Variants in RGS7 observed in about 807,000 individuals in gnomAD.
RGS7 encodes the protein regulator of G-protein signaling 7.
Under a neutral mutation model 81.1 loss-of-function variants are expected in RGS7, and 27 were observed. The observed-to-expected ratio is 0.33, with a 90% CI of 0.25 to 0.46. The LOEUF is 0.46. RGS7 is among the 20% of genes least tolerant of loss of function. The pLI, the probability that RGS7 is intolerant of heterozygous loss-of-function variation, is 1.00. For missense variants in RGS7, 396 were observed against 607.4 expected (o/e 0.65, Z 3.66); for synonymous variants, 208 against 207.7 (o/e 1.00, Z -0.01).
At chr1:240,811,436 A>G (rs531983042) in intron 14 of RGS7, among the ~76,000 whole-genome samples, 32 of 152,362 alleles carry the variant, frequency 2.1e-4, no homozygotes, top group Admixed American at 5.9e-4. Context: ...CCCTGTGGCT[A>G]TTATTTAAAC....
At chr1:240,807,306 ACACT>A (rs1400238420) in intron 14 of RGS7, among the ~76,000 whole-genome samples, 1 of 152,210 alleles carries the variant, frequency 6.6e-6, no homozygotes, top group African/African-American at 2.4e-5. Context: ...ATAGAAACAA[ACACT>A]CTACTAGAAA....
intron 2 of RGS7, among the ~76,000 whole-genome samples, chr1:241,201,641 ACTT>A (rs2073507999): frequency 6.6e-6 from 1 of 152,142 alleles, no homozygotes; most frequent in South Asian, 2.1e-4. Context: ...ATATATAAGA[ACTT>A]AAAAATAAAA....
intron 7 of RGS7, among the ~76,000 whole-genome samples, chr1:240,869,148 G>C (rs985854117): frequency 6.6e-6 from 1 of 152,074 alleles, no homozygotes; most frequent in Admixed American, 6.6e-5. Flanking sequence ...TAGTACATAA[G>C]GAGGTGCTCA....
At position 241,257,951 on chromosome 1, in the gene RGS7, T is replaced by C. The variant is rs575194097; in HGVS notation, c.78+97748A>G. On this transcript the variant is annotated intron_variant, in intron 2 of 18. Transcript: ENST00000440928. ...TGCAGGTAGAATGATGTAAATTATG[T>C]AAAGATACTCATATAGTATAAAGGT... 2.0e-5 allele frequency among the ~76,000 whole-genome samples: 3 copies of C among 152,272 alleles called. No individual in the cohort carries two copies. The South Asian group carries it at 6.2e-4, about 32-fold the overall frequency.
intron 2 of RGS7, among the ~76,000 whole-genome samples, chr1:241,333,039 G>A (rs1403151114): frequency 2.0e-5 from 3 of 152,150 alleles, no homozygotes; most frequent in African/African-American, 7.2e-5. Flanking sequence ...GGAGGGAAAG[G>A]GATAACAAAT....
At chr1:240,933,250 A>T (rs537307393) in intron 5 of RGS7, among the ~76,000 whole-genome samples, 3,087 of 151,800 alleles carry the variant, frequency 0.02, 85 homozygotes, top group African/African-American at 0.065. Flanking sequence ...TATTTTGGGG[A>T]GTATATATGT....
intron 2 of RGS7, among the ~76,000 whole-genome samples, chr1:241,267,338 A>T (rs1317794339): frequency 6.6e-6 from 1 of 152,204 alleles, no homozygotes; most frequent in Non-Finnish European, 1.5e-5. Flanking sequence ...AGGACTCCGA[A>T]GGGACTACTC....
At chr1:241,268,493 T>C (rs1205221428) in intron 2 of RGS7, among the ~76,000 whole-genome samples, 2 of 152,216 alleles carry the variant, frequency 1.3e-5, no homozygotes, top group African/African-American at 4.8e-5. Context: ...GGTGGGCTAC[T>C]GCCCTGCAGG....
intron 3 of RGS7, among the ~76,000 whole-genome samples, chr1:241,061,160 A>G (rs1419626900): frequency 6.6e-6 from 1 of 152,266 alleles, no homozygotes; most frequent in Non-Finnish European, 1.5e-5. Context: ...AAGACCCCCA[A>G]GACTGACAGT....
At chr1:241,255,547 C>T (rs2077019601) in intron 2 of RGS7, among the ~76,000 whole-genome samples, 1 of 152,188 alleles carries the variant, frequency 6.6e-6, no homozygotes, top group Non-Finnish European at 1.5e-5. Flanking sequence ...ACAACAATTG[C>T]TACATTTAAA....
At chr1:240,878,208 T>G (rs1050945938) in intron 6 of RGS7, among the ~76,000 whole-genome samples, 4 of 152,166 alleles carry the variant, frequency 2.6e-5, no homozygotes, top group Middle Eastern at 3.2e-3. Flanking sequence ...TCCCAGTTTT[T>G]CTCCACACAA....
At chr1:241,165,826 GA>G (rs1311854746) in intron 2 of RGS7, among the ~76,000 whole-genome samples, 1 of 142,532 alleles carries the variant, frequency 7.0e-6, no homozygotes, top group Non-Finnish European at 1.6e-5. Context: ...AAAAAAGAAA[GA>G]AAAAGACAAC....
At chr1:241,309,197 G>A (rs1175717093) in intron 2 of RGS7, among the ~76,000 whole-genome samples, 1 of 151,948 alleles carries the variant, frequency 6.6e-6, no homozygotes, top group South Asian at 2.1e-4. Flanking sequence ...GACCAATCTG[G>A]TCAATGTGGT....
Position 241,267,148 on chromosome 1 carries a change from G to A in RGS7, c.78+88551C>T, listed in dbSNP as rs190509384. 1.4e-3 allele frequency among the ~76,000 whole-genome samples: 215 copies of A among 152,216 alleles called. 1 individual carries two copies. Among genetic ancestry groups the A allele is most frequent in the African/African-American group, 5.0e-3 (206 of 41,538 alleles). Reference sequence around the variant, plus strand: ...TGTCTTACTTCAGGATCCTAGCTCCGTCTCTCTCAGTTTCTCCCACTTCCC... The same window carrying A: ...TGTCTTACTTCAGGATCCTAGCTCCATCTCTCTCAGTTTCTCCCACTTCCC... On this transcript the variant is annotated intron_variant, in intron 2 of 18. Transcript: ENST00000440928.
intron 2 of RGS7, among the ~76,000 whole-genome samples, chr1:241,100,380 A>G (rs2064644394): frequency 1.3e-5 from 2 of 150,674 alleles, no homozygotes; most frequent in South Asian, 4.2e-4. Flanking sequence ...ATTTCAAAAA[A>G]AAAAAAAAAA....
intron 3 of RGS7, among the ~76,000 whole-genome samples, chr1:241,012,920 G>C (rs2148665957): frequency 6.6e-6 from 1 of 152,212 alleles, no homozygotes; most frequent in African/African-American, 2.4e-5. Flanking sequence ...TGCATAACAA[G>C]ATAGCCTTTG....
chr1:240,844,427 C>G (rs1028112647), intron 9 of RGS7, among the ~76,000 whole-genome samples: 15 of 152,220 alleles, frequency 9.9e-5, no homozygotes, highest in African/African-American at 3.4e-4. Context: ...CCCCTATCCA[C>G]ATCCTCATCA....
intron 2 of RGS7, among the ~76,000 whole-genome samples, chr1:241,101,531 G>T (rs775396287): frequency 6.0e-5 from 9 of 150,966 alleles, no homozygotes; most frequent in Non-Finnish European, 1.3e-4. Flanking sequence ...AAAAAAGAAA[G>T]AAAAAAAATG....
chr1:240,986,234 A>T (rs1037360459), intron 3 of RGS7, among the ~76,000 whole-genome samples: 10 of 152,170 alleles, frequency 6.6e-5, no homozygotes, highest in Non-Finnish European at 1.5e-4. Context: ...GCAGTATATT[A>T]TTTAAAATGA....
Sources: allele counts gnomAD v4.1 joint callset (sites outside exome capture counted in the v4.1 genomes callset), GRCh38; gene constraint gnomAD v4.1.1; transcripts MANE v1.5; gene names NCBI Gene and HGNC (gene_info 2026-07-23, HGNC 2026-07-21).